Variants in EYS observed in about 807,000 individuals in gnomAD.
The protein encoded by EYS is EGF-like photoreceptor maintenance factor, also known as protein eyes shut homolog.
A neutral mutation model predicts 282.1 loss-of-function variants in EYS; 250 were observed. The observed-to-expected ratio is 0.89, with a 90% CI of 0.80 to 0.98. EYS has a LOEUF of 0.98. EYS is among the 50% of genes least tolerant of loss of function. The pLI is 0.00. For synonymous variants in EYS, 1,355 were observed against 1,282.9 expected (o/e 1.06, Z -1.20); for missense variants, 4,016 against 3,709.0 (o/e 1.08, Z -2.15).
chr6:64,057,127 A>G (rs553203426), intron 33 of EYS, among the ~76,000 whole-genome samples: 1 of 152,324 alleles, frequency 6.6e-6, no homozygotes, highest in Non-Finnish European at 1.5e-5. Context: ...ATTGAGTTCA[A>G]ACACTTTGGC....
At chr6:65,569,642 C>T (rs9345654) in intron 2 of EYS, among the ~76,000 whole-genome samples, 4 of 151,852 alleles carry the variant, frequency 2.6e-5, no homozygotes, top group African/African-American at 9.7e-5. Context: ...GGATCAGTTG[C>T]CCCCACCCAA....
intron 1 of EYS, among the ~76,000 whole-genome samples, chr6:65,700,741 T>A (rs1331928460): frequency 6.6e-6 from 1 of 152,198 alleles, no homozygotes; most frequent in African/African-American, 2.4e-5. Context: ...GGGTTTTCCC[T>A]TATTTCTTAA....
At chr6:63,934,136 G>C (rs1764982162) in intron 35 of EYS, among the ~76,000 whole-genome samples, 1 of 152,110 alleles carries the variant, frequency 6.6e-6, no homozygotes, top group African/African-American at 2.4e-5. Flanking sequence ...GCAGCCAAAA[G>C]ACACATGAAA....
intron 6 of EYS, 110 bp downstream of exon 6, chr6:65,405,064 A>T: frequency 1.3e-6 from 1 of 769,320 alleles, no homozygotes. Context: ...GTCTGAGTTT[A>T]ACAATTAAAC....
intron 41 of EYS, among the ~76,000 whole-genome samples, chr6:63,736,893 G>T (rs1324117372): frequency 6.6e-6 from 1 of 152,084 alleles, no homozygotes; most frequent in Non-Finnish European, 1.5e-5. Flanking sequence ...CTGTTTGTCT[G>T]TTATTGGTGT....
intron 35 of EYS, among the ~76,000 whole-genome samples, chr6:63,876,096 CT>C (rs1423195775): frequency 1.3e-5 from 2 of 152,158 alleles, no homozygotes; most frequent in African/African-American, 4.8e-5. Context: ...CCTGCTTTCT[CT>C]TGTGGGCATT....
intron 22 of EYS, among the ~76,000 whole-genome samples, chr6:64,627,136 C>T (rs555849092): frequency 8.7e-4 from 132 of 152,268 alleles, no homozygotes; most frequent in Middle Eastern, 3.4e-3. Context: ...ACAGATTTGT[C>T]GAGTGCCTAC....
intron 36 of EYS, among the ~76,000 whole-genome samples, chr6:63,834,185 G>T (rs1010195484): frequency 6.6e-6 from 1 of 152,122 alleles, no homozygotes; most frequent in African/African-American, 2.4e-5. Flanking sequence ...AAAAGCAATG[G>T]CAACAGAAGC....
chr6:65,692,635 A>G (rs35543758), intron 1 of EYS, among the ~76,000 whole-genome samples: 56,262 of 149,414 alleles, frequency 0.38, 14,278 homozygotes, highest in Non-Finnish European at 0.52. Context: ...CATTTATAAG[A>G]ATTGTTTTCC....
intron 33 of EYS, among the ~76,000 whole-genome samples, chr6:64,019,812 G>GTGTATATATAAGTATATATATATATA (rs1019279880): frequency 5.0e-5 from 7 of 140,756 alleles, no homozygotes; most frequent in Non-Finnish European, 7.5e-5. Flanking sequence ...AGATTAGAAT[G>GTGTATATATAAGTATATATATATATA]TGTATATATA....
intron 24 of EYS, among the ~76,000 whole-genome samples, chr6:64,615,834 C>A (rs573454906): frequency 1.3e-5 from 2 of 151,978 alleles, no homozygotes; most frequent in Admixed American, 6.6e-5. Flanking sequence ...TTAGTAAATG[C>A]CTTACTAAAA....
chr6:64,076,285 A>G lies in EYS; in HGVS notation c.6571+5571T>C, dbSNP rs764905434. Among the ~76,000 whole-genome samples, 4 of 152,100 alleles carry G rather than the reference A, an allele frequency of 2.6e-5. No homozygotes were observed. In the South Asian group the frequency reaches 6.2e-4, roughly 24 times the overall value. ...TACCTACTTATTTTTTATCACAACT[A>G]TCAAGGTTGAATAACTCAGAAACAA... is the stretch of plus-strand genomic sequence containing the variant. On this transcript the variant is annotated intron_variant, in intron 32 of 42. Transcript: ENST00000503581.
At chr6:63,853,110 A>C (rs534030853) in intron 36 of EYS, among the ~76,000 whole-genome samples, 22 of 152,316 alleles carry the variant, frequency 1.4e-4, no homozygotes, top group African/African-American at 4.6e-4. Context: ...CCTATTCAAC[A>C]TAGTATTGGA....
At chr6:64,695,411 C>T (rs553176058) in intron 22 of EYS, among the ~76,000 whole-genome samples, 2 of 152,124 alleles carry the variant, frequency 1.3e-5, no homozygotes, top group East Asian at 1.9e-4. Context: ...GCCCATTGCA[C>T]CCCAGCTACT....
intron 5 of EYS, among the ~76,000 whole-genome samples, chr6:65,449,584 T>A (rs1764328036): frequency 6.6e-6 from 1 of 152,082 alleles, no homozygotes; most frequent in Non-Finnish European, 1.5e-5. Context: ...GAATGGAATT[T>A]CATTTTGGTC....
At chr6:64,150,439 G>C (rs1774663599) in intron 31 of EYS, among the ~76,000 whole-genome samples, 1 of 152,110 alleles carries the variant, frequency 6.6e-6, no homozygotes, top group African/African-American at 2.4e-5. Context: ...GAAACAATTG[G>C]ACTAGAACTT....
At chr6:65,014,316 T>A (rs542365380) in intron 13 of EYS, among the ~76,000 whole-genome samples, 104 of 152,338 alleles carry the variant, frequency 6.8e-4, no homozygotes, top group Middle Eastern at 6.8e-3. Flanking sequence ...AGAACTCAGT[T>A]AAACCATTCA....
intron 7 of EYS, among the ~76,000 whole-genome samples, chr6:65,395,849 C>T (rs1438082751): frequency 6.7e-6 from 1 of 150,238 alleles, no homozygotes; most frequent in East Asian, 1.9e-4. Flanking sequence ...ACCCTTTGAA[C>T]ACCCCCCATT....
intron 33 of EYS, among the ~76,000 whole-genome samples, chr6:64,037,896 C>T (rs1582180594): frequency 6.6e-6 from 1 of 152,160 alleles, no homozygotes; most frequent in South Asian, 2.1e-4. Flanking sequence ...ATTTCATTTT[C>T]TAAAACTGTG....
Sources: gnomAD v4.1 joint callset for allele counts (sites outside exome capture counted in the v4.1 genomes callset) on GRCh38, gnomAD v4.1.1 for gene constraint, MANE v1.5 for transcripts, NCBI Gene and HGNC (gene_info 2026-07-23, HGNC 2026-07-21) for gene names.